Variants in LRRN2 observed in about 807,000 individuals in gnomAD.
The protein encoded by LRRN2 is leucine-rich repeat neuronal protein 2.
A neutral mutation model predicts 35.7 loss-of-function variants in LRRN2; 10 were observed. The observed-to-expected ratio is 0.28, with a 90% confidence interval of 0.17 to 0.47. The LOEUF (loss-of-function observed/expected upper bound fraction) is 0.47. Ranked by LOEUF, LRRN2 falls within the 20% of genes least tolerant of loss-of-function variation. The pLI is 0.99. For synonymous variants in LRRN2, 391 were observed against 409.6 expected, an observed-to-expected ratio of 0.95 and a Z score of 0.55; for missense variants, 731 against 940.3, an observed-to-expected ratio of 0.78 and a Z score of 2.91.
At chr1:204,635,136 C>T (rs1232667749) in intron 1 of LRRN2, among the ~76,000 whole-genome samples, 4 of 152,162 alleles carry the variant, frequency 2.6e-5, no homozygotes, top group Non-Finnish European at 4.4e-5. Flanking sequence ...TGTGAGTTCA[C>T]TCTGCTTTGT....
chr1:204,667,035 T>C (rs552217788), intron 1 of LRRN2, among the ~76,000 whole-genome samples: 16 of 149,358 alleles, frequency 1.1e-4, no homozygotes, highest in African/African-American at 3.7e-4. Flanking sequence ...ATATAACAAC[T>C]GTGAAACAAC....
chr1:204,668,938 C>T (rs1668647158), intron 1 of LRRN2, among the ~76,000 whole-genome samples: 1 of 152,206 alleles, frequency 6.6e-6, no homozygotes, highest in African/African-American at 2.4e-5. Flanking sequence ...AACCTCCTGC[C>T]TCAGTCTCCC....
At chr1:204,661,638 C>T (rs1048450648) in intron 1 of LRRN2, among the ~76,000 whole-genome samples, 3 of 152,316 alleles carry the variant, frequency 2.0e-5, no homozygotes, top group African/African-American at 7.2e-5. Flanking sequence ...CACACAGGGG[C>T]TTGAACATCT....
chr1:204,658,869 T>C (rs966093111), intron 1 of LRRN2, among the ~76,000 whole-genome samples: 1 of 152,184 alleles, frequency 6.6e-6, no homozygotes, highest in African/African-American at 2.4e-5. Context: ...TCTAGTGTGG[T>C]TTGGGGAGGC....
intron 1 of LRRN2, among the ~76,000 whole-genome samples, chr1:204,673,004 A>G (rs771615709): frequency 7.2e-5 from 11 of 152,164 alleles, no homozygotes; most frequent in Non-Finnish European, 1.3e-4. Flanking sequence ...GATCCACGTA[A>G]GATCCACATA....
chr1:204,665,477 A>C (rs1349730841), intron 1 of LRRN2, among the ~76,000 whole-genome samples: 2 of 152,276 alleles, frequency 1.3e-5, no homozygotes, highest in African/African-American at 4.8e-5. Flanking sequence ...CATCATTAGT[A>C]GTTGCTTGAG....
chr1:204,668,160 A>G (rs1487875177), intron 1 of LRRN2, among the ~76,000 whole-genome samples: 2 of 152,212 alleles, frequency 1.3e-5, no homozygotes, highest in Non-Finnish European at 2.9e-5. Context: ...CAAACTGCAC[A>G]TGACATTCCA....
chr1:204,627,859 A>G (rs917547056), intron 1 of LRRN2, among the ~76,000 whole-genome samples: 7 of 152,202 alleles, frequency 4.6e-5, no homozygotes, highest in African/African-American at 1.7e-4. Flanking sequence ...AGCTCCTCTG[A>G]GGCAGGAACT....
chr1:204,666,130 C>A (rs1250245449), intron 1 of LRRN2, among the ~76,000 whole-genome samples: 1 of 152,222 alleles, frequency 6.6e-6, no homozygotes, highest in African/African-American at 2.4e-5. Context: ...AAGCTCTGGG[C>A]ATTTTAGGCA....
chr1:204,657,384 T>G (rs1483407224), intron 1 of LRRN2, among the ~76,000 whole-genome samples: 11 of 137,046 alleles, frequency 8.0e-5, no homozygotes, highest in Non-Finnish European at 1.7e-4. Context: ...ATATGGTATA[T>G]CCATACAATG....
Position 204,681,035 on chromosome 1 carries a change from C to T in LRRN2, c.-227+4285G>A, listed in dbSNP as rs1668936677. On this transcript the variant is annotated intron_variant, in intron 1 of 1. Transcript: ENST00000367177. ...GCAGTGGTGTAATCTCAGCTCACTA[C>T]AATCTCCGCCACCTGGGTTCAAGTG... is the stretch of plus-strand genomic sequence containing the variant. Among the ~76,000 whole-genome samples the T allele has an allele frequency of 3.3e-5, 5 of 151,834 alleles. No homozygotes were observed. In the South Asian group the frequency reaches 1.0e-3, roughly 32 times the overall value.
chr1:204,685,523 T>A lies in LRRN2; in HGVS notation c.-430A>T, dbSNP rs1176652223. ...TCCAGGGCCCAGCCGGTGAGGGCGATGGCAGAATCCCAATCCGTCCCCACC... is the reference window on the plus strand; with the variant it reads ...TCCAGGGCCCAGCCGGTGAGGGCGAAGGCAGAATCCCAATCCGTCCCCACC... On this transcript the variant is annotated 5_prime_UTR_variant, in exon 1 of 2. Transcript: ENST00000367177. 2.6e-5 allele frequency: 4 copies of A among 151,756 alleles called. No individual in the cohort carries two copies. Among genetic ancestry groups the A allele is most frequent in the Non-Finnish European group, 5.9e-5 (4 of 67,982 alleles). 9.4% of individuals were successfully genotyped at this position (151,756 alleles called of 1,614,324 possible).
chr1:204,640,188 G>C (rs1008092634), intron 1 of LRRN2, among the ~76,000 whole-genome samples: 1 of 152,108 alleles, frequency 6.6e-6, no homozygotes, highest in Admixed American at 6.6e-5. Flanking sequence ...GTGAAGGCCC[G>C]CTTCCTGGTT....
At position 204,653,207 on chromosome 1, in the gene LRRN2, GA is replaced by G. The variant is rs530808478; in HGVS notation, c.-227+32112del. ...TAATATTAATATAAGGGCACACACT[GA>G]ACTCTGGGCTTCTGATTCTCATCTG... is the stretch of plus-strand genomic sequence containing the variant. On this transcript the variant is annotated intron_variant, in intron 1 of 1. Transcript: ENST00000367177. Among the ~76,000 whole-genome samples the G allele has an allele frequency of 2.5e-4, 38 of 152,318 alleles. No individual in the cohort carries two copies. The South Asian group carries it at 7.9e-3, about 32-fold the overall frequency.
intron 1 of LRRN2, among the ~76,000 whole-genome samples, chr1:204,634,998 C>T (rs1667798195): frequency 6.6e-6 from 1 of 152,138 alleles, no homozygotes; most frequent in Non-Finnish European, 1.5e-5. Context: ...AAGTGCTATA[C>T]AGATATGACC....
At chr1:204,663,823 C>G (rs142347451) in intron 1 of LRRN2, 203 of 152,306 alleles carry the variant, frequency 1.3e-3, no homozygotes, top group African/African-American at 4.5e-3. Flanking sequence ...TCTTCCCAGT[C>G]TGACCCTCTC....
At chr1:204,639,956 T>C (rs956986046) in intron 1 of LRRN2, among the ~76,000 whole-genome samples, 4 of 152,146 alleles carry the variant, frequency 2.6e-5, no homozygotes, top group African/African-American at 9.7e-5. Flanking sequence ...TAATTATATA[T>C]ATTAACAACA....
chr1:204,641,434 A>G (rs996621445), intron 1 of LRRN2, among the ~76,000 whole-genome samples: 2 of 152,224 alleles, frequency 1.3e-5, no homozygotes, highest in Admixed American at 1.3e-4. Flanking sequence ...GACACCAGCT[A>G]TAGGACAACC....
intron 1 of LRRN2, among the ~76,000 whole-genome samples, chr1:204,635,495 G>T (rs886657704): frequency 6.6e-6 from 1 of 152,114 alleles, no homozygotes; most frequent in East Asian, 1.9e-4. Context: ...GTTTAAGGGA[G>T]AGAGAACCAC....
Sources: gnomAD v4.1 joint callset for allele counts (sites outside exome capture counted in the v4.1 genomes callset) on GRCh38, gnomAD v4.1.1 for gene constraint, MANE v1.5 for transcripts, NCBI Gene and HGNC (gene_info 2026-07-23, HGNC 2026-07-21) for gene names.